Variants in PARS2 observed in about 807,000 individuals in gnomAD.
The protein encoded by PARS2 is probable proline--tRNA ligase, mitochondrial.
PARS2 carries 20 observed loss-of-function variants against 27.4 expected under a neutral mutation model. The ratio of observed to expected loss-of-function variants is 0.73; its 90% CI spans 0.51 to 1.06. PARS2 has a LOEUF of 1.06. PARS2 is among the 50% of genes least tolerant of loss of function. The pLI, the probability that PARS2 is intolerant of heterozygous loss-of-function variation, is 0.00. For synonymous variants in PARS2, 240 were observed against 247.1 expected, an observed-to-expected ratio of 0.97 and a Z score of 0.27; for missense variants, 585 against 602.1, an observed-to-expected ratio of 0.97 and a Z score of 0.30.
chr1:54,761,458 A>G (rs1271842771), intron 1 of PARS2, among the ~76,000 whole-genome samples: 2 of 152,268 alleles, frequency 1.3e-5, no homozygotes, highest in Non-Finnish European at 2.9e-5. Context: ...CACTGATTAC[A>G]TCAAAAATCA....
intron 1 of PARS2, among the ~76,000 whole-genome samples, chr1:54,763,122 C>T (rs929880357): frequency 1.3e-5 from 2 of 152,190 alleles, no homozygotes; most frequent in African/African-American, 4.8e-5. Context: ...CTCCCCCCAA[C>T]CCCCAGCAAT....
intron 1 of PARS2, among the ~76,000 whole-genome samples, chr1:54,759,494 T>C (rs1345328550): frequency 1.3e-5 from 2 of 152,204 alleles, no homozygotes; most frequent in African/African-American, 4.8e-5. Flanking sequence ...GGCCTCCCAA[T>C]GGCTGCACCC....
chr1:54,758,047 G>T lies in PARS2; in HGVS notation c.1115C>A (p.Ala372Asp). ...GCCCTTCTTAGGGGGGATGAGGCAG[G>T]CTTGGTAAGGGGCCAGTAGGCTGGG... ...RWPSLLAPYQ[A>D]CLIPPKKGSK... Residue 372 changes from alanine (A) to aspartate (D), a missense_variant, in exon 2 of 2, where the codon GCC (alanine) becomes GAC (aspartate). Ala to Asp is a moderately radical substitution (Grantham distance 126). Transcript: ENST00000371279. The T allele has an allele frequency of 6.2e-7, 1 of 1,614,042 alleles. No individual in the cohort carries two copies. The highest frequency in any genetic ancestry group is 1.1e-5 in the South Asian group (1 of 91,070).
chr1:54,758,360 C>T lies in PARS2; in HGVS notation c.802G>A (p.Asp268Asn). The T allele has an allele frequency of 6.2e-7, 1 of 1,614,170 alleles. No homozygotes were observed. Among genetic ancestry groups the T allele is most frequent in the Non-Finnish European group, 8.5e-7 (1 of 1,180,034 alleles). ...CAGCGGGGACAGATGGCAAGCCGGT[C>T]CTCTCCAATATCCACTGGGAGCTGG... ...EFQLPVDIGE[D>N]RLAICPRCSF... is the part of the protein sequence containing the mutation. Residue 268 changes from aspartate (D) to asparagine (N), a missense_variant, in exon 2 of 2, where the codon GAC (aspartate) becomes AAC (asparagine). Physicochemically the swap from Asp to Asn is conservative, Grantham distance 23. Transcript: ENST00000371279.
At chr1:54,763,053 C>A (rs1031972409) in intron 1 of PARS2, among the ~76,000 whole-genome samples, 4 of 152,210 alleles carry the variant, frequency 2.6e-5, no homozygotes, top group Non-Finnish European at 4.4e-5. Flanking sequence ...CAACACACCT[C>A]TTCCAGCTTC....
rs1202737595 is a variant in PARS2, at chr1:54,759,136, C to T, written c.26G>A (p.Arg9Lys). The T allele has an allele frequency of 6.3e-7, 1 of 1,598,554 alleles. No homozygotes were observed. The highest frequency in any genetic ancestry group is 8.6e-7 in the Non-Finnish European group (1 of 1,168,822). The change falls in exon 2 of 2, where the codon AGA becomes AAA. Residue 9 changes from arginine (R) to lysine (K), a missense_variant. Transcript: ENST00000371279. MEGLLTRC[R>K]ALPALATCSR... Reference sequence around the variant, plus strand: ...GCAGGTGGCCAGGGCGGGCAATGCTCTGCATCTTGTCAGCAGCCCTTCCAT... The same window carrying T: ...GCAGGTGGCCAGGGCGGGCAATGCTTTGCATCTTGTCAGCAGCCCTTCCAT...
Position 54,759,151 on chromosome 1 carries a change from A to C in PARS2, c.11T>G (p.Leu4Arg). 1 of 1,588,500 alleles carries C rather than the reference A, an allele frequency of 6.3e-7. No individual in the cohort carries two copies. The highest frequency in any genetic ancestry group is 8.6e-7 in the Non-Finnish European group (1 of 1,162,892). The change falls in exon 2 of 2, where the codon CTG becomes CGG. Residue 4 changes from leucine (L) to arginine (R), a missense_variant. Transcript: ENST00000371279. MEGLLTRCRALPAL... is the reference protein window; with the variant it reads MEGRLTRCRALPAL... ...GGGCAATGCTCTGCATCTTGTCAGC[A>C]GCCCTTCCATGACACCCTGGCACCG...
rs1184682267 is a variant in PARS2 at position 54,758,256 on chromosome 1, G to C, written c.906C>G (p.Thr302=). Residue 302 remains threonine (T), a synonymous_variant, in exon 2 of 2, where the codon ACC becomes ACG. Transcript: ENST00000371279. The part of the protein sequence containing the change: ...CPACQGPLTK[T]KGIEVGHTFY... ...ATGTGTGCCCCACCTCAATGCCTTT[G>C]GTTTTAGTCAATGGGCCCTGGCAAG... 1 of 1,614,210 alleles carries C rather than the reference G, an allele frequency of 6.2e-7. No individual in the cohort carries two copies. The highest frequency in any genetic ancestry group is 1.1e-5 in the South Asian group (1 of 91,088).
chr1:54,758,579 G>T lies in PARS2; in HGVS notation c.583C>A (p.Arg195Ser). 1 of 1,614,206 alleles carries T rather than the reference G, an allele frequency of 6.2e-7. No homozygotes were observed. Among genetic ancestry groups the T allele is most frequent in the Admixed American group, 1.7e-5 (1 of 60,030 alleles). Residue 195 changes from arginine (R) to serine (S), a missense_variant, in exon 2 of 2, where the codon CGC becomes AGC. Physicochemically the swap from Arg to Ser is moderately radical, Grantham distance 110 (BLOSUM62 -1). Transcript: ENST00000371279. ...TRKFRDEPRP[R>S]FGLLRGREFY... is the part of the protein sequence containing the mutation. ...TCTCGGCCACGGAGAAGACCAAAGC[G>T]GGGCCTGGGCTCATCCCGAAACTTC...
rs772256400 is a variant in PARS2, at chr1:54,758,825, C to T, written c.337G>A (p.Gly113Arg). Residue 113 changes from glycine (G) to arginine (R), a missense_variant, in exon 2 of 2, where the codon GGG (glycine) becomes AGG (arginine). By Grantham distance (125) the Gly-to-Arg change is moderately radical (BLOSUM62 -2). Transcript: ENST00000371279. Reference protein sequence around the residue: ...RVIDQEMQAIGGQKVNMPSLS... With the variant: ...RVIDQEMQAIRGQKVNMPSLS... ...CTGGGCATGTTGACTTTCTGGCCCC[C>T]GATGGCCTGCATCTCCTGGTCTATC... is the stretch of plus-strand genomic sequence containing the variant. The T allele has an allele frequency of 1.9e-5, 30 of 1,614,098 alleles. No individual in the cohort carries two copies. The highest frequency in any genetic ancestry group is 6.7e-5 in the African/African-American group (5 of 74,922).
intron 1 of PARS2, among the ~76,000 whole-genome samples, chr1:54,763,434 A>C (rs1646167971): frequency 6.6e-6 from 1 of 152,192 alleles, no homozygotes; most frequent in Non-Finnish European, 1.5e-5. Context: ...ATACATCTTT[A>C]AATTTCAGAG....
At position 54,757,947 on chromosome 1, in the gene PARS2, G is replaced by A. The variant is rs1368352218; in HGVS notation, c.1215C>T (p.His405=). The change falls in exon 2 of 2, where the codon CAC becomes CAT. Residue 405 remains histidine, a synonymous_variant. Coordinates refer to ENST00000371279, the MANE Select transcript of PARS2 (RefSeq NM_152268.4). ...DHITEAVPQL[H]GEVLLDDRTH... The stretch of plus-strand genomic sequence containing the variant: ...TCCTGTCGTCCAGGAGCACCTCCCC[G>A]TGAAGCTGAGGCACTGCCTCTGTGA... 11 of 1,613,994 alleles carry A rather than the reference G, an allele frequency of 6.8e-6. No homozygotes were observed. In the African/African-American group the frequency reaches 8.0e-5, roughly 12 times the overall value.
At chr1:54,761,065 A>G (rs1646153310) in intron 1 of PARS2, among the ~76,000 whole-genome samples, 1 of 152,182 alleles carries the variant, frequency 6.6e-6, no homozygotes. Context: ...GGTGTGAGCC[A>G]CTGCGCCCGG....
chr1:54,762,837 T>A (rs957821570), intron 1 of PARS2, among the ~76,000 whole-genome samples: 1 of 152,158 alleles, frequency 6.6e-6, no homozygotes, highest in Non-Finnish European at 1.5e-5. Flanking sequence ...TTGCTGGGAT[T>A]ATAGGTGTGA....
At chr1:54,764,291 C>A (rs1265578880) in intron 1 of PARS2, among the ~76,000 whole-genome samples, 170 bp downstream of exon 1, 1 of 152,186 alleles carries the variant, frequency 6.6e-6, no homozygotes, top group African/African-American at 2.4e-5. Context: ...ACACGGAGAC[C>A]AGGAGTATCG....
rs1431020994 is a variant in PARS2, at chr1:54,757,824, ATGTGCAGGGTCCTCCAGGGCCCTCTT to A, written c.1312_1337del (p.Lys438PhefsTer2). 3 of 1,614,070 alleles carry A rather than the reference ATGTGCAGGGTCCTCCAGGGCCCTCTT, an allele frequency of 1.9e-6. No individual in the cohort carries two copies. Among genetic ancestry groups the A allele is most frequent in the Non-Finnish European group, 2.5e-6 (3 of 1,179,964 alleles). ...CAGTGTTCTGACACCAAACCTCAAA[ATGTGCAGGGTCCTCCAGGGCCCTCTT>A]GCCAGCGATTATCACAAAGGGGTAG... On this transcript the variant is annotated frameshift_variant, in exon 2 of 2. Coordinates refer to ENST00000371279, the MANE Select transcript of PARS2 (RefSeq NM_152268.4). LOFTEE classifies it high-confidence loss of function.
In PARS2 at chr1:54,763,962, C is replaced by T. The variant is rs1331150387; in HGVS notation, c.-30+499G>A. Among the ~76,000 whole-genome samples the T allele has an allele frequency of 2.0e-5, 3 of 152,236 alleles. No individual in the cohort carries two copies. In the East Asian group the frequency reaches 5.8e-4, roughly 29 times the overall value. ...AAGTCACTTGTGTCAAGCCACACAG[C>T]AAATAAGCGCAGGGTCGGGCCTGGA... On this transcript the variant is annotated intron_variant, in intron 1 of 1. Transcript: ENST00000371279.
chr1:54,763,993 A>G (rs1024671487), intron 1 of PARS2, among the ~76,000 whole-genome samples: 1 of 152,244 alleles, frequency 6.6e-6, no homozygotes, highest in African/African-American at 2.4e-5. Context: ...CTGGAAGGCA[A>G]GGTCCCCGCC....
chr1:54,763,060 C>T (rs1464159191), intron 1 of PARS2, among the ~76,000 whole-genome samples: 2 of 152,198 alleles, frequency 1.3e-5, no homozygotes, highest in East Asian at 1.9e-4. Context: ...CCTCTTCCAG[C>T]TTCTTATCCT....
Sources: gnomAD v4.1 joint callset for allele counts (sites outside exome capture counted in the v4.1 genomes callset) on GRCh38, gnomAD v4.1.1 for gene constraint, MANE v1.5 for transcripts, NCBI Gene and HGNC (gene_info 2026-07-23, HGNC 2026-07-21) for gene names.